The following MDGA2 variants were observed in gnomAD, a reference collection of about 807,000 sequenced individuals.
MDGA2 encodes MAM domain-containing glycosylphosphatidylinositol anchor protein 2.
Under a neutral mutation model 117.8 loss-of-function variants are expected in MDGA2, and 40 were observed. The observed-to-expected ratio is 0.34, with a 90% CI of 0.26 to 0.44. The LOEUF is 0.44. MDGA2 is among the 20% of genes least tolerant of loss of function. MDGA2 has a pLI of 1.00. For synonymous variants in MDGA2, 452 were observed against 439.0 expected (o/e 1.03, Z -0.37); for missense variants, 1,123 against 1,250.6 (o/e 0.90, Z 1.54).
chr14:47,376,086 G>C (rs964207467), intron 1 of MDGA2, among the ~76,000 whole-genome samples: 1 of 152,110 alleles, frequency 6.6e-6, no homozygotes, highest in African/African-American at 2.4e-5. Context: ...ATATTTTGTA[G>C]CATATTCCTT....
At chr14:47,022,026 C>A (rs1191567576) in intron 8 of MDGA2, among the ~76,000 whole-genome samples, 1 of 152,162 alleles carries the variant, frequency 6.6e-6, no homozygotes, top group Non-Finnish European at 1.5e-5. Flanking sequence ...TATAACTTCA[C>A]TGACAACACT....
intron 1 of MDGA2, among the ~76,000 whole-genome samples, chr14:47,556,061 T>C (rs1031047928): frequency 5.3e-5 from 8 of 152,190 alleles, no homozygotes; most frequent in Non-Finnish European, 1.0e-4. Flanking sequence ...AGTGACTCCC[T>C]TCCAGACACC....
chr14:47,144,016 C>T, intron 4 of MDGA2, 62 bp downstream of exon 4: 1 of 1,231,928 alleles, frequency 8.1e-7, no homozygotes, highest in Non-Finnish European at 1.1e-6. Context: ...TGAATTCATG[C>T]TGCCTGAATT....
At chr14:47,151,579 GTTATT>G (rs1378099779) in intron 3 of MDGA2, among the ~76,000 whole-genome samples, 5 of 151,378 alleles carry the variant, frequency 3.3e-5, no homozygotes, top group East Asian at 1.9e-4. Flanking sequence ...TTCTGTTATT[GTTATT>G]TTATTTATAT....
chr14:47,351,625 G>A lies in MDGA2; in HGVS notation c.281-50075C>T, dbSNP rs78142424. ...TTAATGAGTTTCTTGTATATCCATT[G>A]CCCCACCTTATTCACTGAAAAGGTC... On this transcript the variant is annotated intron_variant, in intron 1 of 16. Transcript: ENST00000399232. Among the ~76,000 whole-genome samples the A allele has an allele frequency of 9.3e-3, 1,414 of 151,990 alleles. 22 individuals carry two copies. Among genetic ancestry groups the A allele is most frequent in the African/African-American group, 0.032 (1,318 of 41,444 alleles).
intron 4 of MDGA2, among the ~76,000 whole-genome samples, chr14:47,134,754 G>A (rs1161618207): frequency 6.7e-6 from 1 of 149,908 alleles, no homozygotes; most frequent in Non-Finnish European, 1.5e-5. Flanking sequence ...ATATTTATGT[G>A]TGTATATATA....
intron 1 of MDGA2, among the ~76,000 whole-genome samples, chr14:47,626,142 T>C (rs1181379069): frequency 3.3e-5 from 5 of 152,248 alleles, no homozygotes; most frequent in African/African-American, 9.7e-5. Context: ...CTCTGAATAT[T>C]TGCATTCTAT....
At chr14:46,914,345 G>T (rs188915739) in intron 10 of MDGA2, among the ~76,000 whole-genome samples, 8 of 152,118 alleles carry the variant, frequency 5.3e-5, no homozygotes, top group African/African-American at 1.7e-4. Context: ...AGGACATAAA[G>T]ATTCTGAGAA....
intron 2 of MDGA2, among the ~76,000 whole-genome samples, chr14:47,264,793 G>T (rs1175975581): frequency 6.6e-6 from 1 of 151,848 alleles, no homozygotes; most frequent in East Asian, 1.9e-4. Flanking sequence ...CTTGCCATGG[G>T]TAAATGACCC....
intron 1 of MDGA2, among the ~76,000 whole-genome samples, chr14:47,385,630 A>G (rs762380402): frequency 6.6e-6 from 1 of 152,160 alleles, no homozygotes; most frequent in East Asian, 1.9e-4. Flanking sequence ...GTGAGCATCA[A>G]TGATCCCTCT....
intron 1 of MDGA2, among the ~76,000 whole-genome samples, chr14:47,482,027 G>C: frequency 6.6e-6 from 1 of 151,992 alleles, no homozygotes; most frequent in South Asian, 2.1e-4. Flanking sequence ...ATTTTAGTAA[G>C]ATATTGTAAA....
chr14:47,430,307 G>A (rs973270132), intron 1 of MDGA2, among the ~76,000 whole-genome samples: 21 of 152,036 alleles, frequency 1.4e-4, no homozygotes, highest in Non-Finnish European at 2.5e-4. Flanking sequence ...ACTAAAAGAA[G>A]AGGACAATTC....
At chr14:47,001,357 A>C (rs1340299348) in intron 8 of MDGA2, among the ~76,000 whole-genome samples, 1 of 152,094 alleles carries the variant, frequency 6.6e-6, no homozygotes, top group Non-Finnish European at 1.5e-5. Flanking sequence ...AGGTGTTCAT[A>C]AACGAGGAGT....
chr14:46,929,601 G>GTATATATATATA (rs756528353), intron 9 of MDGA2, among the ~76,000 whole-genome samples: 4 of 12,676 alleles, frequency 3.2e-4, no homozygotes, highest in Admixed American at 1.8e-3. Context: ...GTGTGTGTGT[G>GTATATATATATA]TATATATATA....
chr14:46,842,762 T>C (rs564133225), intron 16 of MDGA2, among the ~76,000 whole-genome samples: 31 of 152,260 alleles, frequency 2.0e-4, no homozygotes, highest in Admixed American at 6.5e-4. Flanking sequence ...TAGGGGAGAA[T>C]TGAGTTTGAA....
At chr14:47,550,964 C>T (rs886312727) in intron 1 of MDGA2, among the ~76,000 whole-genome samples, 29 of 152,140 alleles carry the variant, frequency 1.9e-4, no homozygotes, top group African/African-American at 6.8e-4. Flanking sequence ...GAATTGATCT[C>T]TATGGAACAT....
In MDGA2 at chr14:47,423,572, G is replaced by GTGTA. The variant is rs1892623854; in HGVS notation, c.281-122023_281-122022insTACA. The stretch of plus-strand genomic sequence containing the variant: ...TCCCCACGCCTGTGTGTGTGTGTGT[G>GTGTA]TACTCTTTAATTTCAATATGGTAAT... On this transcript the variant is annotated intron_variant, in intron 1 of 16. Transcript: ENST00000399232. Among the ~76,000 whole-genome samples the GTGTA allele has an allele frequency of 4.0e-5, 6 of 151,806 alleles. No homozygotes were observed. In the South Asian group the frequency reaches 1.2e-3, roughly 32 times the overall value.
chr14:47,301,994 C>T (rs1294792938), intron 1 of MDGA2, among the ~76,000 whole-genome samples: 2 of 152,184 alleles, frequency 1.3e-5, no homozygotes, highest in South Asian at 2.1e-4. Flanking sequence ...AGTCATGTAG[C>T]GCGCAAGTTA....
chr14:47,333,194 T>G (rs1044597848), intron 1 of MDGA2, among the ~76,000 whole-genome samples: 2 of 151,952 alleles, frequency 1.3e-5, no homozygotes, highest in African/African-American at 4.8e-5. Flanking sequence ...TAGTTCTATT[T>G]TTAATTATTT....
Sources: allele counts gnomAD v4.1 joint callset (sites outside exome capture counted in the v4.1 genomes callset), GRCh38; gene constraint gnomAD v4.1.1; transcripts MANE v1.5; gene names NCBI Gene and HGNC (gene_info 2026-07-23, HGNC 2026-07-21).